Variants in SMIM13 observed in about 807,000 individuals in gnomAD.
SMIM13 encodes the protein UPF0766 protein C6orf228.
Under a neutral mutation model 5.9 loss-of-function variants are expected in SMIM13, and 3 were observed. The observed-to-expected ratio is 0.51, with a 90% CI of 0.23 to 1.31. The LOEUF (loss-of-function observed/expected upper bound fraction) is 1.31, where lower values mean the gene tolerates loss of function less well. Ranked by LOEUF, SMIM13 falls within the 40% of genes most tolerant of loss-of-function variation. The probability of loss-of-function intolerance (pLI) is 0.18; values close to 1 mark genes in which losing one functional copy is unlikely to be tolerated. For missense variants in SMIM13, 85 were observed against 109.9 expected, an observed-to-expected ratio of 0.77 and a Z score of 1.01; for synonymous variants, 55 against 46.0, an observed-to-expected ratio of 1.19 and a Z score of -0.79.
chr6:11,102,398 A>G (rs1010679106), intron 1 of SMIM13: 5 of 152,244 alleles, frequency 3.3e-5, no homozygotes, highest in African/African-American at 1.2e-4. Flanking sequence ...TGTGTTGATT[A>G]CAGAAAAGTG....
At chr6:11,116,270 C>T (rs1758239529) in intron 1 of SMIM13, among the ~76,000 whole-genome samples, 1 of 152,168 alleles carries the variant, frequency 6.6e-6, no homozygotes, top group Non-Finnish European at 1.5e-5. Context: ...CCGCCCACCT[C>T]AGCTTCCCAA....
At position 11,108,531 on chromosome 6, in the gene SMIM13, A is replaced by G. The variant is rs1758121742; in HGVS notation, c.76+14142A>G. 2.0e-5 allele frequency among the ~76,000 whole-genome samples: 3 copies of G among 152,178 alleles called. No individual in the cohort carries two copies. In the South Asian group the frequency reaches 6.2e-4, roughly 32 times the overall value. On this transcript the variant is annotated intron_variant, in intron 1 of 1. Coordinates refer to ENST00000416247, the MANE Select transcript of SMIM13 (RefSeq NM_001135575.2). The stretch of plus-strand genomic sequence containing the variant: ...GGTGGGTGTCCCCATCAGTTTGGGC[A>G]CTGCCTTCTTGTGTGGCCTGGCTCC...
chr6:11,132,181 T>A (rs1758457668), intron 1 of SMIM13, among the ~76,000 whole-genome samples: 1 of 152,160 alleles, frequency 6.6e-6, no homozygotes, highest in Admixed American at 6.5e-5. Flanking sequence ...ATGTTTAACA[T>A]CATTAGTCAT....
chr6:11,116,820 A>C (rs988198600), intron 1 of SMIM13, among the ~76,000 whole-genome samples: 3 of 151,678 alleles, frequency 2.0e-5, no homozygotes, highest in Non-Finnish European at 2.9e-5. Context: ...GCTTGTCCAT[A>C]TTCTGTTTCA....
chr6:11,106,795 A>G (rs186407072), intron 1 of SMIM13, among the ~76,000 whole-genome samples: 2 of 152,278 alleles, frequency 1.3e-5, no homozygotes, highest in South Asian at 2.1e-4. Flanking sequence ...ACTGTGCACT[A>G]TTGTCACCTC....
chr6:11,101,061 A>T (rs1554118269), intron 1 of SMIM13, among the ~76,000 whole-genome samples: 1 of 145,194 alleles, frequency 6.9e-6, no homozygotes. Context: ...GTTCTCTCTG[A>T]AACTTCTGGT....
intron 1 of SMIM13, among the ~76,000 whole-genome samples, chr6:11,124,251 G>A (rs1758348075): frequency 6.6e-6 from 1 of 152,192 alleles, no homozygotes. Context: ...AACACGCAAA[G>A]TTTGTCTTTC....
chr6:11,129,130 C>T (rs1174244045), intron 1 of SMIM13, among the ~76,000 whole-genome samples: 1 of 151,872 alleles, frequency 6.6e-6, no homozygotes, highest in Non-Finnish European at 1.5e-5. Flanking sequence ...CCTCTGCCTC[C>T]CTCCTCTCTA....
At position 11,137,180 on chromosome 6, in the gene SMIM13, A is replaced by G. The variant is rs1400390772; in HGVS notation, c.*2578A>G. 6.6e-6 allele frequency: 1 copy of G among 152,206 alleles called. No individual in the cohort carries two copies. Among genetic ancestry groups the G allele is most frequent in the East Asian group, 1.9e-4 (1 of 5,198 alleles). 9.4% of individuals were successfully genotyped at this position (152,206 alleles called of 1,614,324 possible). A position where few individuals can be genotyped will look rare whatever the true frequency, so the allele number is the denominator to read the frequency against. On this transcript the variant is annotated 3_prime_UTR_variant, in exon 2 of 2. Transcript: ENST00000416247. ...AAATACTCTATTTAACTTGTGAAAT[A>G]TACCTAAAAGCATACTAGTTAGCTC...
chr6:11,108,210 G>A (rs927715725), intron 1 of SMIM13, among the ~76,000 whole-genome samples: 2 of 152,290 alleles, frequency 1.3e-5, no homozygotes, highest in South Asian at 2.1e-4. Context: ...TCCAGGTTAC[G>A]GGCACTTCAT....
Position 11,134,519 on chromosome 6 carries a change from G to T in SMIM13, c.193G>T (p.Asp65Tyr). 6.4e-7 allele frequency: 1 copy of T among 1,551,134 alleles called. No homozygotes were observed. Among genetic ancestry groups the T allele is most frequent in the Non-Finnish European group, 8.7e-7 (1 of 1,146,632 alleles). ...GCCTTCAGGGTCTGAAACTGAAGAA[G>T]ACACTTCCTCCTCTCCACACAGAAT... ...HEPSGSETEE[D>Y]TSSSPHRIRS... The change falls in exon 2 of 2, where the codon GAC becomes TAC. Residue 65 changes from aspartate to tyrosine, a missense_variant. Physicochemically the swap from Asp to Tyr is radical, Grantham distance 160. Coordinates refer to ENST00000416247, the MANE Select transcript of SMIM13 (RefSeq NM_001135575.2).
At chr6:11,099,125 A>G (rs547529256) in intron 1 of SMIM13, among the ~76,000 whole-genome samples, 20 of 152,248 alleles carry the variant, frequency 1.3e-4, no homozygotes, top group Non-Finnish European at 2.9e-4. Context: ...TAATGACTCA[A>G]AAATTTGTTT....
intron 1 of SMIM13, among the ~76,000 whole-genome samples, chr6:11,133,738 G>GTTT (rs80159629): frequency 2.2e-5 from 3 of 138,834 alleles, no homozygotes; most frequent in Admixed American, 7.2e-5. Context: ...AACAAAACTT[G>GTTT]TTTTTTTTTT....
At chr6:11,130,161 T>A (rs1055649561) in intron 1 of SMIM13, among the ~76,000 whole-genome samples, 4 of 151,966 alleles carry the variant, frequency 2.6e-5, no homozygotes, top group African/African-American at 7.3e-5. Flanking sequence ...TGTTGAACTT[T>A]CCTCAATTTA....
At chr6:11,094,571 C>G (rs1757898890) in intron 1 of SMIM13, among the ~76,000 whole-genome samples, 182 bp downstream of exon 1, 1 of 152,162 alleles carries the variant, frequency 6.6e-6, no homozygotes, top group Non-Finnish European at 1.5e-5. Flanking sequence ...TACTCATGGC[C>G]GGCCCTCGGG....
At chr6:11,104,631 C>G (rs748546197) in intron 1 of SMIM13, 27 of 1,614,084 alleles carry the variant, frequency 1.7e-5, no homozygotes, top group Non-Finnish European at 2.0e-5. Context: ...CAATAGAACC[C>G]ATTCCGCTGT....
At chr6:11,115,137 A>G (rs1758220434) in intron 1 of SMIM13, among the ~76,000 whole-genome samples, 1 of 152,180 alleles carries the variant, frequency 6.6e-6, no homozygotes, top group Admixed American at 6.5e-5. Flanking sequence ...ACCTTATTAC[A>G]TGAGTTGGGT....
chr6:11,130,551 T>G (rs1758440563), intron 1 of SMIM13, among the ~76,000 whole-genome samples: 1 of 152,184 alleles, frequency 6.6e-6, no homozygotes, highest in Non-Finnish European at 1.5e-5. Flanking sequence ...GTGGTGATAG[T>G]AGCCATAACT....
chr6:11,094,826 C>T (rs1581907287), intron 1 of SMIM13, among the ~76,000 whole-genome samples: 1 of 152,120 alleles, frequency 6.6e-6, no homozygotes. Flanking sequence ...TTTCAGCACG[C>T]GTGAAATTGT....
Sources: allele counts gnomAD v4.1 joint callset (sites outside exome capture counted in the v4.1 genomes callset), GRCh38; gene constraint gnomAD v4.1.1; transcripts MANE v1.5; gene names NCBI Gene and HGNC (gene_info 2026-07-23, HGNC 2026-07-21).